AGBL4: variants seen among roughly 807,000 people sequenced by gnomAD.
The protein encoded by AGBL4 is AGBL carboxypeptidase 4.
AGBL4 carries 58 observed loss-of-function variants against 66.4 expected under a neutral mutation model. The observed-to-expected ratio is 0.87, with a 90% CI of 0.71 to 1.09. AGBL4 has a LOEUF of 1.09. Among genes scored for constraint, AGBL4 ranks in the 50% least tolerant of loss-of-function variants. The pLI is 0.00. For synonymous variants in AGBL4, 234 were observed against 222.9 expected (o/e 1.05, Z -0.44); for missense variants, 579 against 631.0 (o/e 0.92, Z 0.88).
chr1:49,412,435 C>T (rs1274699441), intron 3 of AGBL4, among the ~76,000 whole-genome samples: 1 of 152,132 alleles, frequency 6.6e-6, no homozygotes, highest in Admixed American at 6.6e-5. Context: ...AAAGCCCTCC[C>T]TCATAATCCC....
intron 8 of AGBL4, among the ~76,000 whole-genome samples, chr1:48,647,163 A>T (rs1557851511): frequency 6.6e-6 from 1 of 152,212 alleles, no homozygotes; most frequent in Admixed American, 6.5e-5. Context: ...TGCAGATTGT[A>T]CAGCATCCAT....
chr1:49,487,918 G>T (rs1647103241), intron 3 of AGBL4, among the ~76,000 whole-genome samples: 1 of 151,856 alleles, frequency 6.6e-6, no homozygotes, highest in Non-Finnish European at 1.5e-5. Flanking sequence ...TGAAGGCAAA[G>T]ATATCAGGGA....
chr1:49,937,916 T>C (rs970680675), intron 1 of AGBL4, among the ~76,000 whole-genome samples: 9 of 151,982 alleles, frequency 5.9e-5, no homozygotes, highest in Non-Finnish European at 1.0e-4. Context: ...ATTGACACCC[T>C]AACATCACAA....
chr1:48,901,388 G>T (rs1652065282), intron 5 of AGBL4, among the ~76,000 whole-genome samples: 1 of 152,142 alleles, frequency 6.6e-6, no homozygotes, highest in Non-Finnish European at 1.5e-5. Context: ...AGAAATTAAA[G>T]TATATGTCCT....
intron 5 of AGBL4, among the ~76,000 whole-genome samples, chr1:48,871,634 T>C (rs981475245): frequency 5.3e-5 from 8 of 152,042 alleles, no homozygotes; most frequent in African/African-American, 1.7e-4. Context: ...AGGAAACCAA[T>C]TTCTTTGCTT....
intron 9 of AGBL4, among the ~76,000 whole-genome samples, chr1:48,602,696 C>T (rs577828633): frequency 6.6e-6 from 1 of 152,138 alleles, no homozygotes; most frequent in East Asian, 1.9e-4. Flanking sequence ...TTCCTATCTG[C>T]TTTATTTGGT....
intron 2 of AGBL4, among the ~76,000 whole-genome samples, chr1:49,711,576 G>C (rs895119386): frequency 1.3e-5 from 2 of 151,966 alleles, no homozygotes. Context: ...GGTAGAAAGG[G>C]GGATATATTA....
intron 3 of AGBL4, among the ~76,000 whole-genome samples, chr1:49,299,373 C>G (rs1644702758): frequency 6.6e-6 from 1 of 152,164 alleles, no homozygotes; most frequent in African/African-American, 2.4e-5. Context: ...GTAGCCTTTA[C>G]TCTTAAACAT....
intron 3 of AGBL4, among the ~76,000 whole-genome samples, chr1:49,538,580 T>C (rs554525783): frequency 4.6e-5 from 7 of 152,296 alleles, no homozygotes; most frequent in Non-Finnish European, 8.8e-5. Flanking sequence ...GAAATACCTT[T>C]GGAAAAAAAT....
Position 49,287,296 on chromosome 1 carries a change from G to C in AGBL4, c.283-41432C>G, listed in dbSNP as rs1162116741. On this transcript the variant is annotated intron_variant, in intron 3 of 13. Transcript: ENST00000371839. The stretch of plus-strand genomic sequence containing the variant: ...CCTAGGCATTACCATTCAGGACATA[G>C]GCATGGGCAAGGACTTCATGTCCAA... 5.5e-5 allele frequency among the ~76,000 whole-genome samples: 8 copies of C among 144,352 alleles called. No individual in the cohort carries two copies. In the South Asian group the frequency reaches 7.1e-4, roughly 13 times the overall value. The allele number at this position is 144,352 out of a possible 152,430, so 94.7% of individuals were successfully genotyped here. A position where few individuals can be genotyped will look rare whatever the true frequency, so the allele number is the denominator to read the frequency against.
chr1:49,310,461 A>C (rs1335238171), intron 3 of AGBL4, among the ~76,000 whole-genome samples: 3 of 152,128 alleles, frequency 2.0e-5, no homozygotes, highest in African/African-American at 4.8e-5. Flanking sequence ...TTTTCTAAAA[A>C]ATTAAATGAA....
At chr1:48,994,165 C>T (rs1428258030) in intron 5 of AGBL4, among the ~76,000 whole-genome samples, 1 of 152,146 alleles carries the variant, frequency 6.6e-6, no homozygotes, top group Non-Finnish European at 1.5e-5. Context: ...CCACAGTGTA[C>T]ATTAACTCAT....
intron 3 of AGBL4, among the ~76,000 whole-genome samples, chr1:49,434,244 T>C (rs544134606): frequency 1.2e-3 from 174 of 151,206 alleles, no homozygotes; most frequent in African/African-American, 4.1e-3. Flanking sequence ...TCTGGATTGA[T>C]AAGAAATCAA....
intron 11 of AGBL4, among the ~76,000 whole-genome samples, chr1:48,581,869 G>A (rs565028456): frequency 1.3e-5 from 2 of 152,180 alleles, no homozygotes; most frequent in Non-Finnish European, 1.5e-5. Context: ...CGAGAATGAC[G>A]CAAAAGAGAA....
Position 48,920,135 on chromosome 1 carries a change from C to A in AGBL4, c.595-52905G>T, listed in dbSNP as rs538866886. On this transcript the variant is annotated intron_variant, in intron 5 of 13. Transcript: ENST00000371839. Reference sequence around the variant, plus strand: ...CCATTGTTCTGTCACCCTATGCAATCATAAAGATTGCCTGTAGACTTCCCA... The same window carrying A: ...CCATTGTTCTGTCACCCTATGCAATAATAAAGATTGCCTGTAGACTTCCCA... Among the ~76,000 whole-genome samples the A allele has an allele frequency of 6.6e-5, 10 of 152,298 alleles. No individual in the cohort carries two copies. The South Asian group carries it at 2.1e-3, about 32-fold the overall frequency.
intron 3 of AGBL4, among the ~76,000 whole-genome samples, chr1:49,324,818 GTA>G (rs1217437380): frequency 1.3e-5 from 2 of 152,114 alleles, no homozygotes; most frequent in Non-Finnish European, 2.9e-5. Context: ...ATTTGCCTTA[GTA>G]TCTATATATA....
At chr1:48,739,480 A>C (rs1337293477) in intron 6 of AGBL4, among the ~76,000 whole-genome samples, 1 of 152,168 alleles carries the variant, frequency 6.6e-6, no homozygotes, top group Non-Finnish European at 1.5e-5. Flanking sequence ...GTCCATCTAC[A>C]CTACAAAATT....
chr1:49,694,015 C>T (rs986487904), intron 3 of AGBL4, among the ~76,000 whole-genome samples: 8 of 152,100 alleles, frequency 5.3e-5, no homozygotes, highest in South Asian at 2.1e-4. Flanking sequence ...CCATATGCTG[C>T]GAGCTTTTAT....
intron 11 of AGBL4, among the ~76,000 whole-genome samples, chr1:48,574,448 T>C (rs944357700): frequency 6.6e-6 from 1 of 152,248 alleles, no homozygotes; most frequent in Non-Finnish European, 1.5e-5. Context: ...ATGAATGCTG[T>C]TTATTTCTGG....
Sources: gnomAD v4.1 joint callset for allele counts (sites outside exome capture counted in the v4.1 genomes callset) on GRCh38, gnomAD v4.1.1 for gene constraint, MANE v1.5 for transcripts, NCBI Gene and HGNC (gene_info 2026-07-23, HGNC 2026-07-21) for gene names.